Variants in EYS observed in about 807,000 individuals in gnomAD.
EYS encodes the protein protein eyes shut homolog.
A neutral mutation model predicts 282.1 loss-of-function variants in EYS; 250 were observed. The ratio of observed to expected loss-of-function variants is 0.89; its 90% CI spans 0.80 to 0.98. EYS has a LOEUF of 0.98. Ranked by LOEUF, EYS falls within the 50% of genes least tolerant of loss-of-function variation. The probability of loss-of-function intolerance (pLI) is 0.00; values close to 1 mark genes in which losing one functional copy is unlikely to be tolerated. For synonymous variants in EYS, 1,355 were observed against 1,282.9 expected (o/e 1.06, Z -1.20); for missense variants, 4,016 against 3,709.0 (o/e 1.08, Z -2.15).
At chr6:63,830,758 T>A (rs1348935698) in intron 36 of EYS, among the ~76,000 whole-genome samples, 1 of 152,086 alleles carries the variant, frequency 6.6e-6, no homozygotes, top group Non-Finnish European at 1.5e-5. Context: ...CCAAGACACA[T>A]AATTGTCAGA....
At chr6:65,053,986 C>T (rs1401310088) in intron 13 of EYS, among the ~76,000 whole-genome samples, 5 of 151,670 alleles carry the variant, frequency 3.3e-5, no homozygotes, top group South Asian at 4.1e-4. Context: ...AGGCTCAGAG[C>T]GAATTTAATC....
intron 36 of EYS, among the ~76,000 whole-genome samples, chr6:63,828,489 C>A (rs1281648727): frequency 6.6e-6 from 1 of 151,996 alleles, no homozygotes; most frequent in Non-Finnish European, 1.5e-5. Flanking sequence ...AAAATACAAC[C>A]CTTCCAGCAC....
intron 11 of EYS, among the ~76,000 whole-genome samples, chr6:65,317,221 T>C (rs1187907225): frequency 2.0e-5 from 3 of 152,162 alleles, no homozygotes; most frequent in African/African-American, 4.8e-5. Context: ...GGAGAGATAA[T>C]GGAAAAAATC....
intron 16 of EYS, among the ~76,000 whole-genome samples, chr6:64,907,106 G>A (rs1381782648): frequency 6.6e-6 from 1 of 152,114 alleles, no homozygotes; most frequent in Non-Finnish European, 1.5e-5. Flanking sequence ...AAGCTGAAAT[G>A]CAGTGGTGTG....
chr6:65,509,456 A>G (rs150836376), intron 2 of EYS, among the ~76,000 whole-genome samples: 63 of 152,268 alleles, frequency 4.1e-4, no homozygotes, highest in African/African-American at 1.5e-3. Context: ...GTTTAATTTA[A>G]TTATCAATTA....
chr6:64,946,058 C>A (rs964877614), intron 14 of EYS, 144 bp from the exon 15 acceptor site: 1 of 581,188 alleles, frequency 1.7e-6, no homozygotes. Flanking sequence ...CCCCAAATGA[C>A]TTTTACCACA....
intron 33 of EYS, among the ~76,000 whole-genome samples, chr6:64,010,790 G>A (rs1219503984): frequency 1.3e-5 from 2 of 152,086 alleles, no homozygotes; most frequent in African/African-American, 4.8e-5. Context: ...GTATTTGGTA[G>A]TTCTGTCCTA....
chr6:65,667,893 A>C (rs1304716326), intron 1 of EYS, among the ~76,000 whole-genome samples: 1 of 151,952 alleles, frequency 6.6e-6, no homozygotes, highest in Non-Finnish European at 1.5e-5. Flanking sequence ...TTTTATCAGT[A>C]AATTTGGAAT....
chr6:64,328,035 A>G (rs1353751869), intron 29 of EYS, among the ~76,000 whole-genome samples: 1 of 152,194 alleles, frequency 6.6e-6, no homozygotes, highest in Non-Finnish European at 1.5e-5. Context: ...ATTTGAATGC[A>G]CAGAATGAAG....
intron 26 of EYS, among the ~76,000 whole-genome samples, chr6:64,580,963 G>A (rs571641923): frequency 1.3e-5 from 2 of 152,022 alleles, no homozygotes; most frequent in Admixed American, 1.3e-4. Context: ...AGGAAATATG[G>A]GTAGGGAGAG....
At chr6:65,191,061 T>C (rs1284986744) in intron 12 of EYS, among the ~76,000 whole-genome samples, 1 of 151,818 alleles carries the variant, frequency 6.6e-6, no homozygotes, top group East Asian at 1.9e-4. Context: ...GAATGTGAAA[T>C]GCTATAGGTT....
At chr6:63,879,771 ATTG>A (rs1773078518) in intron 35 of EYS, among the ~76,000 whole-genome samples, 2 of 152,180 alleles carry the variant, frequency 1.3e-5, no homozygotes, top group South Asian at 2.1e-4. Flanking sequence ...AACTGTTGTT[ATTG>A]TTGATGATGA....
chr6:64,551,728 G>A (rs1765089908), intron 26 of EYS, among the ~76,000 whole-genome samples: 1 of 151,482 alleles, frequency 6.6e-6, no homozygotes, highest in Admixed American at 6.6e-5. Flanking sequence ...GTAGAGACAG[G>A]GTTTCGCTAA....
intron 22 of EYS, among the ~76,000 whole-genome samples, chr6:64,661,549 C>A (rs568327016): frequency 6.6e-6 from 1 of 151,998 alleles, no homozygotes; most frequent in South Asian, 2.1e-4. Flanking sequence ...AAGAAAAAAA[C>A]AACCCCATCA....
intron 2 of EYS, among the ~76,000 whole-genome samples, chr6:65,560,079 C>A (rs1446484020): frequency 6.7e-6 from 1 of 149,476 alleles, no homozygotes; most frequent in Non-Finnish European, 1.5e-5. Flanking sequence ...TATATTATAT[C>A]TATTACTCAA....
chr6:64,753,557 AT>A (rs1772835220), intron 22 of EYS, among the ~76,000 whole-genome samples: 2 of 151,852 alleles, frequency 1.3e-5, no homozygotes, highest in African/African-American at 2.4e-5. Context: ...GTTCAATTCA[AT>A]AAAAAGTAAA....
At chr6:64,734,895 A>G (rs1333460737) in intron 22 of EYS, among the ~76,000 whole-genome samples, 1 of 152,118 alleles carries the variant, frequency 6.6e-6, no homozygotes, top group Non-Finnish European at 1.5e-5. Context: ...TCAGAACAAT[A>G]GGAATTCTAT....
At chr6:63,973,693 G>A (rs1766697831) in intron 35 of EYS, among the ~76,000 whole-genome samples, 1 of 152,068 alleles carries the variant, frequency 6.6e-6, no homozygotes, top group South Asian at 2.1e-4. Flanking sequence ...GTAATTATTA[G>A]GTCAATGGCA....
At chr6:64,171,599 T>C (rs1356539615) in intron 31 of EYS, among the ~76,000 whole-genome samples, 1 of 146,600 alleles carries the variant, frequency 6.8e-6, no homozygotes, top group Non-Finnish European at 1.5e-5. Flanking sequence ...CCTTTGAAGA[T>C]ATAATATTGA....
Sources: gnomAD v4.1 joint callset for allele counts (sites outside exome capture counted in the v4.1 genomes callset) on GRCh38, gnomAD v4.1.1 for gene constraint, MANE v1.5 for transcripts, NCBI Gene and HGNC (gene_info 2026-07-23, HGNC 2026-07-21) for gene names.